The following RANBP17 variants were observed in gnomAD, a reference collection of about 807,000 sequenced individuals.
RANBP17 encodes the protein RAN binding protein 17.
In RANBP17, 158 loss-of-function variants were observed where a neutral mutation model predicts 141.2. The ratio of observed to expected loss-of-function variants is 1.12; its 90% CI spans 0.98 to 1.28. RANBP17 has a LOEUF of 1.28. Among genes scored for constraint, RANBP17 ranks in the 50% most tolerant of loss-of-function variants. RANBP17 has a pLI of 0.00. For missense variants in RANBP17, 1,438 were observed against 1,290.7 expected (o/e 1.11, Z -1.75); for synonymous variants, 430 against 450.0 (o/e 0.96, Z 0.56).
At chr5:171,273,705 C>G (rs1767280144) in intron 25 of RANBP17, among the ~76,000 whole-genome samples, 1 of 152,148 alleles carries the variant, frequency 6.6e-6, no homozygotes, top group African/African-American at 2.4e-5. Context: ...AGTATACAAT[C>G]TTAAGGAATT....
chr5:171,029,592 A>T (rs1382061081), intron 14 of RANBP17, among the ~76,000 whole-genome samples: 1 of 152,046 alleles, frequency 6.6e-6, no homozygotes, highest in Non-Finnish European at 1.5e-5. Context: ...TCTGTATCCC[A>T]CTTCTATATG....
chr5:171,076,060 A>G (rs1446317221), intron 14 of RANBP17, among the ~76,000 whole-genome samples: 1 of 152,244 alleles, frequency 6.6e-6, no homozygotes. Context: ...GAAGACAAAA[A>G]GATGTACATA....
intron 24 of RANBP17, among the ~76,000 whole-genome samples, chr5:171,260,527 A>G (rs1181867470): frequency 6.6e-6 from 1 of 151,744 alleles, no homozygotes; most frequent in Non-Finnish European, 1.5e-5. Context: ...AAGGGAGAGG[A>G]TGAAGAGAAG....
intron 14 of RANBP17, among the ~76,000 whole-genome samples, chr5:171,130,712 A>T (rs1756854855): frequency 6.6e-6 from 1 of 152,108 alleles, no homozygotes. Context: ...ACTTTTTTAT[A>T]TATATGTAGA....
rs185378972 is a variant in RANBP17, at chr5:171,148,769, C to T, written c.1711-21361C>T. Among the ~76,000 whole-genome samples, 240 of 152,154 alleles carry T rather than the reference C, an allele frequency of 1.6e-3. 2 individuals carry two copies. The highest frequency in any genetic ancestry group is 5.7e-3 in the African/African-American group (237 of 41,520). ...ACATAACTTCTCTGGGTCTCAATTT[C>T]TTTTGTGGTAAATTGTGATGTTAAT... On this transcript the variant is annotated intron_variant, in intron 14 of 27. Transcript: ENST00000523189.
At chr5:171,195,164 C>A (rs1761896539) in intron 18 of RANBP17, among the ~76,000 whole-genome samples, 1 of 152,096 alleles carries the variant, frequency 6.6e-6, no homozygotes, top group Admixed American at 6.6e-5. Context: ...ACTTTACCTT[C>A]AAATCATATT....
At position 171,201,367 on chromosome 5, in the gene RANBP17, A is replaced by G. The variant is rs1435234065; in HGVS notation, c.2142+1594A>G. On this transcript the variant is annotated intron_variant, in intron 19 of 27. Transcript: ENST00000523189. ...CATCTAGAGTAATGCTGTGTAGGCA[A>G]CAGCTACTGAGATCAATAGCAACGT... 2.6e-5 allele frequency among the ~76,000 whole-genome samples: 4 copies of G among 152,250 alleles called. No individual in the cohort carries two copies. The South Asian group carries it at 6.2e-4, about 24-fold the overall frequency.
In RANBP17 at chr5:171,170,371, A is replaced by G. The variant is rs536516093; in HGVS notation, c.1784+168A>G. On this transcript the variant is annotated intron_variant, in intron 15 of 27. Transcript: ENST00000523189. Reference sequence around the variant, plus strand: ...TCTTAATTGAAACTTAATTTCACATATTGAAAAGTCACCATCCAAAGGACA... The same window carrying G: ...TCTTAATTGAAACTTAATTTCACATGTTGAAAAGTCACCATCCAAAGGACA... Among the ~76,000 whole-genome samples the G allele has an allele frequency of 3.9e-5, 6 of 152,284 alleles. No homozygotes were observed. The South Asian group carries it at 1.2e-3, about 32-fold the overall frequency.
At chr5:171,192,168 A>C (rs750776521) in intron 18 of RANBP17, among the ~76,000 whole-genome samples, 14 of 152,242 alleles carry the variant, frequency 9.2e-5, no homozygotes, top group Non-Finnish European at 1.8e-4. Context: ...TAGGAAGAAT[A>C]CATCAATGTA....
chr5:171,284,033 T>G (rs1446700671), intron 25 of RANBP17, among the ~76,000 whole-genome samples: 2 of 152,248 alleles, frequency 1.3e-5, no homozygotes, highest in Non-Finnish European at 2.9e-5. Context: ...TGGGAAATGT[T>G]TGGTGACTGT....
chr5:171,035,737 GTTTTT>G (rs781327156), intron 14 of RANBP17, among the ~76,000 whole-genome samples: 2,630 of 95,454 alleles, frequency 0.028, 79 homozygotes, highest in African/African-American at 0.078. Flanking sequence ...TTCTTTTTTT[GTTTTT>G]TTTTTTTTTT....
chr5:171,251,654 G>C (rs1027107076), intron 24 of RANBP17, among the ~76,000 whole-genome samples: 6 of 152,318 alleles, frequency 3.9e-5, no homozygotes, highest in East Asian at 3.9e-4. Flanking sequence ...CTTGAGCGCC[G>C]GTGGCGACGA....
chr5:171,058,450 T>A (rs1397011217), intron 14 of RANBP17, among the ~76,000 whole-genome samples: 1 of 151,698 alleles, frequency 6.6e-6, no homozygotes, highest in Non-Finnish European at 1.5e-5. Context: ...CTGAGAATGA[T>A]GATTTCCAAT....
At chr5:171,004,178 T>A (rs1413493397) in intron 14 of RANBP17, among the ~76,000 whole-genome samples, 1 of 152,008 alleles carries the variant, frequency 6.6e-6, no homozygotes, top group Admixed American at 6.6e-5. Flanking sequence ...TTCAATGGGA[T>A]AGTAATGGGC....
At chr5:170,963,750 C>G (rs763396034) in intron 13 of RANBP17, among the ~76,000 whole-genome samples, 1 of 152,182 alleles carries the variant, frequency 6.6e-6, no homozygotes, top group Admixed American at 6.5e-5. Flanking sequence ...TCCTGCTGTG[C>G]AGCCTGGTTC....
chr5:171,219,370 C>G (rs1310298772), intron 21 of RANBP17, among the ~76,000 whole-genome samples: 2 of 152,026 alleles, frequency 1.3e-5, no homozygotes, highest in African/African-American at 4.8e-5. Flanking sequence ...TTATGTGTCT[C>G]AGGTTGCTCT....
chr5:171,130,433 T>TC (rs1370808710), intron 14 of RANBP17, among the ~76,000 whole-genome samples: 2 of 120,258 alleles, frequency 1.7e-5, no homozygotes, highest in South Asian at 5.6e-4. Context: ...TAAAAAGACT[T>TC]TTTTTTTTTT....
At chr5:170,871,996 A>G (rs1315932702) in intron 1 of RANBP17, among the ~76,000 whole-genome samples, 1 of 152,158 alleles carries the variant, frequency 6.6e-6, no homozygotes, top group Admixed American at 6.5e-5. Flanking sequence ...TGTCTTGGCT[A>G]TGTGGGCTCT....
chr5:170,864,658 C>G (rs969290343), intron 1 of RANBP17, among the ~76,000 whole-genome samples: 1 of 152,068 alleles, frequency 6.6e-6, no homozygotes, highest in Non-Finnish European at 1.5e-5. Flanking sequence ...ACAGAGGTAC[C>G]TTGGTAAGAA....
Sources: allele counts gnomAD v4.1 joint callset (sites outside exome capture counted in the v4.1 genomes callset), GRCh38; gene constraint gnomAD v4.1.1; transcripts MANE v1.5; gene names NCBI Gene and HGNC (gene_info 2026-07-23, HGNC 2026-07-21).